KDM4B: variants seen among roughly 807,000 people sequenced by gnomAD.
KDM4B encodes the protein lysine demethylase 4B.
Under a neutral mutation model 125.2 loss-of-function variants are expected in KDM4B, and 32 were observed. That is an observed-to-expected ratio of 0.26 (90% CI 0.19 to 0.34). KDM4B has a LOEUF of 0.34. Among genes scored for constraint, KDM4B ranks in the 10% least tolerant of loss-of-function variants. KDM4B has a pLI of 1.00. For synonymous variants in KDM4B, 721 were observed against 677.9 expected, an observed-to-expected ratio of 1.06 and a Z score of -0.99; for missense variants, 1,190 against 1,577.7, an observed-to-expected ratio of 0.75 and a Z score of 4.16.
At position 5,144,069 on chromosome 19, in the gene KDM4B, G is replaced by A. The variant is rs866200272; in HGVS notation, c.2653G>A (p.Ala885Thr). Residue 885 changes from alanine (A) to threonine (T), a missense_variant, in exon 19 of 23, where the codon GCC becomes ACC. Ala to Thr is a moderately conservative substitution (Grantham distance 58, BLOSUM62 0). This residue lies in a region of KDM4B where 298 missense variants were observed against 439.7 expected (regional missense o/e 0.68). Transcript: ENST00000159111. ...GTCCTTCCACGTGACCTGCGCCCAC[G>A]CCGCAGGCGTGCTCATGGAGCCGGA... is the stretch of plus-strand genomic sequence containing the variant. ...STSFHVTCAH[A>T]AGVLMEPDDW... 3.7e-6 allele frequency: 6 copies of A among 1,606,122 alleles called. No homozygotes were observed. The highest frequency in any genetic ancestry group is 4.3e-6 in the Non-Finnish European group (5 of 1,174,272).
At chr19:5,107,214 C>T (rs1191395624) in intron 9 of KDM4B, among the ~76,000 whole-genome samples, 6 of 152,278 alleles carry the variant, frequency 3.9e-5, no homozygotes, top group African/African-American at 1.4e-4. Context: ...TATCACACCA[C>T]ACGATGGGAC....
intron 9 of KDM4B, among the ~76,000 whole-genome samples, chr19:5,090,021 AAG>A (rs994514210): frequency 1.3e-5 from 2 of 152,272 alleles, no homozygotes; most frequent in African/African-American, 4.8e-5. Context: ...AGGGGGAAAC[AAG>A]ACAAAAACAC....
At chr19:5,012,441 GC>G (rs1269608337) in intron 1 of KDM4B, among the ~76,000 whole-genome samples, 2 of 151,952 alleles carry the variant, frequency 1.3e-5, no homozygotes, top group Non-Finnish European at 2.9e-5. Context: ...CTGTCCCAGG[GC>G]CCCCCACACC....
intron 6 of KDM4B, among the ~76,000 whole-genome samples, chr19:5,056,897 C>T (rs1489052269): frequency 1.6e-4 from 9 of 57,272 alleles, no homozygotes; most frequent in African/African-American, 6.5e-4. Flanking sequence ...GGCGGGGAGT[C>T]CTGGGGCGGG....
chr19:5,148,937 G>A (rs2039898216), intron 21 of KDM4B, among the ~76,000 whole-genome samples: 1 of 152,210 alleles, frequency 6.6e-6, no homozygotes, highest in African/African-American at 2.4e-5. Context: ...ACACATCCCC[G>A]AGAGATGTGT....
At chr19:5,112,885 C>T (rs1374694966) in intron 10 of KDM4B, 1 of 152,558 alleles carries the variant, frequency 6.6e-6, no homozygotes, top group African/African-American at 2.4e-5. Flanking sequence ...CAGCACAGAG[C>T]TCGTGCACCC....
rs896773150 is a variant in KDM4B, at chr19:5,111,659, A to G, written c.1115+841A>G. The G allele has an allele frequency of 4.2e-6, 3 of 712,882 alleles. No homozygotes were observed. The Admixed American group carries it at 5.7e-5, about 14-fold the overall frequency. 44.2% of individuals were successfully genotyped at this position (712,882 alleles called of 1,614,324 possible). A position where few individuals can be genotyped will look rare whatever the true frequency, so the allele number is the denominator to read the frequency against. On this transcript the variant is annotated intron_variant, in intron 10 of 22. Transcript: ENST00000159111. ...CACTCCTGTTTGGTGCCCAAGGAAC[A>G]TTCAGGGAGCCCCTGAGCATGAGCT...
chr19:5,147,640 A>G (rs967709511), intron 21 of KDM4B, among the ~76,000 whole-genome samples: 3 of 151,206 alleles, frequency 2.0e-5, no homozygotes, highest in African/African-American at 7.3e-5. Flanking sequence ...CTACTTGGGA[A>G]GCTGAGGTGG....
intron 1 of KDM4B, among the ~76,000 whole-genome samples, chr19:4,994,565 C>CAAAA (rs397820720): frequency 2.2e-5 from 1 of 45,680 alleles, no homozygotes; most frequent in Non-Finnish European, 3.9e-5. Context: ...CTCTGTCTCT[C>CAAAA]AAAAAAAAAA....
chr19:5,067,918 G>T (rs897982009), intron 6 of KDM4B, among the ~76,000 whole-genome samples: 1 of 150,892 alleles, frequency 6.6e-6, no homozygotes, highest in African/African-American at 2.4e-5. Context: ...GTTTGACCTT[G>T]TGATGGAAAC....
At chr19:5,100,130 T>C (rs937930350) in intron 9 of KDM4B, among the ~76,000 whole-genome samples, 1 of 152,218 alleles carries the variant, frequency 6.6e-6, no homozygotes, top group Non-Finnish European at 1.5e-5. Flanking sequence ...GGAGGCTTAT[T>C]GAACCCTTTT....
At chr19:5,079,165 G>T (rs1018784090) in intron 8 of KDM4B, 10 of 152,216 alleles carry the variant, frequency 6.6e-5, no homozygotes, top group African/African-American at 2.4e-4. Context: ...GTGTACTTCT[G>T]TAATCTGCCA....
chr19:5,005,693 G>A (rs542748816), intron 1 of KDM4B, among the ~76,000 whole-genome samples: 6 of 152,172 alleles, frequency 3.9e-5, no homozygotes, highest in Non-Finnish European at 8.8e-5. Flanking sequence ...GGCCTTGGGG[G>A]ACTGTGCTCT....
At chr19:5,146,939 C>CAAAAAAA (rs1182135277) in intron 21 of KDM4B, among the ~76,000 whole-genome samples, 608 of 59,688 alleles carry the variant, frequency 0.01, 5 homozygotes, top group East Asian at 0.02. Context: ...ACCCTGTCTC[C>CAAAAAAA]AAAAAAAAAA....
At chr19:5,050,079 C>T (rs1426372002) in intron 6 of KDM4B, among the ~76,000 whole-genome samples, 1 of 152,236 alleles carries the variant, frequency 6.6e-6, no homozygotes, top group Non-Finnish European at 1.5e-5. Context: ...CCGTCTGTCT[C>T]CCTCATTACA....
chr19:5,044,813 C>T (rs1173077962), intron 5 of KDM4B, among the ~76,000 whole-genome samples: 1 of 152,146 alleles, frequency 6.6e-6, no homozygotes, highest in African/African-American at 2.4e-5. Context: ...CTCCATAGCT[C>T]AGCCTTTTCC....
chr19:5,153,031 G>A lies in KDM4B; in HGVS notation c.*1520G>A, dbSNP rs2039973958. Reference sequence around the variant, plus strand: ...ACTGCACTCCAGCCTGGGCAACAGAGCGAGACCCTGTCTCCAAAAAAAAAA... The same window carrying A: ...ACTGCACTCCAGCCTGGGCAACAGAACGAGACCCTGTCTCCAAAAAAAAAA... On this transcript the variant is annotated 3_prime_UTR_variant, in exon 23 of 23. Coordinates refer to ENST00000159111, the MANE Select transcript of KDM4B (RefSeq NM_015015.3). 1.3e-5 allele frequency: 2 copies of A among 151,906 alleles called. No individual in the cohort carries two copies. The highest frequency in any genetic ancestry group is 1.3e-4 in the Admixed American group (2 of 15,192). The allele number at this position is 151,906 out of a possible 1,614,324, so 9.4% of individuals were successfully genotyped here.
chr19:5,052,274 G>C (rs2037251835), intron 6 of KDM4B, among the ~76,000 whole-genome samples: 1 of 151,632 alleles, frequency 6.6e-6, no homozygotes, highest in Non-Finnish European at 1.5e-5. Flanking sequence ...TTTGCTTCAT[G>C]GGTGTCCCTG....
intron 1 of KDM4B, among the ~76,000 whole-genome samples, chr19:4,983,687 G>A (rs944307735): frequency 6.6e-6 from 1 of 152,190 alleles, no homozygotes; most frequent in Admixed American, 6.5e-5. Context: ...GCAGGAAGTT[G>A]GAATGCTTCT....
Sources: gnomAD v4.1 joint callset for allele counts (sites outside exome capture counted in the v4.1 genomes callset) on GRCh38, gnomAD v4.1.1 for gene constraint, gnomAD v4.1.1 regional missense constraint, MANE v1.5 for transcripts, NCBI Gene and HGNC (gene_info 2026-07-23, HGNC 2026-07-21) for gene names.